The following RBM27 variants were observed in gnomAD, a reference collection of about 807,000 sequenced individuals.
The protein encoded by RBM27 is RNA-binding protein 27.
RBM27 carries 22 observed loss-of-function variants against 135.3 expected under a neutral mutation model. The ratio of observed to expected loss-of-function variants is 0.16; its 90% confidence interval spans 0.12 to 0.23. The LOEUF (loss-of-function observed/expected upper bound fraction) is 0.23. RBM27 is among the 10% of genes least tolerant of loss of function. RBM27 has a pLI of 1.00. For synonymous variants in RBM27, 481 were observed against 442.4 expected (o/e 1.09, Z -1.10); for missense variants, 1,009 against 1,281.0 (o/e 0.79, Z 3.24).
At position 146,251,800 on chromosome 5, in the gene RBM27, G is replaced by T. The variant is rs772126015; in HGVS notation, c.1369G>T (p.Val457Leu). The change falls in exon 9 of 21, where the codon GTG becomes TTG. Residue 457 changes from valine (V) to leucine (L), a missense_variant. Physicochemically the swap from Val to Leu is conservative, Grantham distance 32. This residue lies in a region of RBM27 where 329 missense variants were observed against 368.1 expected (regional missense o/e 0.89). Coordinates refer to ENST00000265271, the MANE Select transcript of RBM27 (RefSeq NM_018989.2). ...GCCTCCTCTGTTGGCAGCTCGTTTG[G>T]TGCCACCTCGAAACCTCATGGGATC... ...TPPPLLAARL[V>L]PPRNLMGSSI... 3.1e-6 allele frequency: 5 copies of T among 1,613,838 alleles called. No individual in the cohort carries two copies. The highest frequency in any genetic ancestry group is 4.2e-6 in the Non-Finnish European group (5 of 1,179,924).
At chr5:146,236,584 G>A (rs1757169660) in intron 7 of RBM27, among the ~76,000 whole-genome samples, 1 of 152,020 alleles carries the variant, frequency 6.6e-6, no homozygotes, top group Admixed American at 6.6e-5. Context: ...AACCAAATTA[G>A]GTATTTTAAA....
chr5:146,219,827 C>T (rs1756368038), intron 2 of RBM27, among the ~76,000 whole-genome samples: 1 of 152,162 alleles, frequency 6.6e-6, no homozygotes, highest in African/African-American at 2.4e-5. Flanking sequence ...CTCCATGCCT[C>T]CATCCACTCT....
intron 17 of RBM27, 27 bp downstream of exon 17, chr5:146,269,611 A>G (rs1437601389): frequency 3.4e-6 from 5 of 1,465,878 alleles, no homozygotes; most frequent in African/African-American, 2.9e-5. Context: ...TTTATTTAAC[A>G]TAGGGTTATT....
chr5:146,256,896 A>T (rs1007173348), intron 10 of RBM27, among the ~76,000 whole-genome samples: 2 of 152,158 alleles, frequency 1.3e-5, no homozygotes, highest in African/African-American at 4.8e-5. Context: ...ATTAAAAAAA[A>T]TTAATTAAAA....
At chr5:146,229,936 A>T in intron 5 of RBM27, 26 bp downstream of exon 5, 1 of 1,611,724 alleles carries the variant, frequency 6.2e-7, no homozygotes, top group Non-Finnish European at 8.5e-7. Context: ...TCCCCCTAAA[A>T]ACTCTGTAGT....
At chr5:146,258,310 C>A in intron 10 of RBM27, 139 bp from the exon 11 acceptor site, 1 of 584,110 alleles carries the variant, frequency 1.7e-6, no homozygotes, top group South Asian at 7.5e-5. Context: ...GCATTTGTAA[C>A]TTTTTCTTCT....
At chr5:146,228,648 T>G (rs191636852) in intron 3 of RBM27, among the ~76,000 whole-genome samples, 1 of 152,236 alleles carries the variant, frequency 6.6e-6, no homozygotes, top group Admixed American at 6.5e-5. Context: ...TCATCCAGCC[T>G]GTGGTGCAGT....
chr5:146,254,074 G>T (rs778628844), intron 9 of RBM27, among the ~76,000 whole-genome samples: 2 of 152,120 alleles, frequency 1.3e-5, no homozygotes, highest in Non-Finnish European at 2.9e-5. Flanking sequence ...AATTAAAAAG[G>T]TACCTAGAAA....
chr5:146,220,861 A>G (rs1756429766), intron 2 of RBM27, among the ~76,000 whole-genome samples: 1 of 152,188 alleles, frequency 6.6e-6, no homozygotes, highest in Non-Finnish European at 1.5e-5. Flanking sequence ...AGAAAGCAAA[A>G]CATATTTGGG....
chr5:146,256,329 A>G (rs1459295740), intron 10 of RBM27, among the ~76,000 whole-genome samples: 1 of 146,276 alleles, frequency 6.8e-6, no homozygotes, highest in Non-Finnish European at 1.5e-5. Flanking sequence ...TTTTATATAT[A>G]TTATTTTTAT....
chr5:146,208,664 G>C (rs1187001306), intron 1 of RBM27, among the ~76,000 whole-genome samples: 1 of 152,080 alleles, frequency 6.6e-6, no homozygotes, highest in African/African-American at 2.4e-5. Flanking sequence ...GTTTCTTTCT[G>C]TCAGAAATAA....
intron 8 of RBM27, among the ~76,000 whole-genome samples, chr5:146,243,352 T>TC (rs1441800664): frequency 6.6e-6 from 1 of 152,226 alleles, no homozygotes; most frequent in African/African-American, 2.4e-5. Context: ...TTCACATTGT[T>TC]CAAGTTTATT....
chr5:146,211,462 A>ATATTTTTTTTT (rs1334313720), intron 1 of RBM27, among the ~76,000 whole-genome samples: 1 of 52,038 alleles, frequency 1.9e-5, no homozygotes, highest in Admixed American at 2.6e-4. Context: ...GTATGGTCTT[A>ATATTTTTTTTT]TCTTTTTTTT....
chr5:146,228,960 A>G lies in RBM27; in HGVS notation c.318A>G (p.Pro106=). The G allele has an allele frequency of 1.9e-6, 3 of 1,613,426 alleles. No homozygotes were observed. Among genetic ancestry groups the G allele is most frequent in the Non-Finnish European group, 1.7e-6 (2 of 1,179,570 alleles). ...TTTTCATATAGGTATTTCAGGAGCC[A>G]GCAGAGGAAGAACGAGATGGCAGAA... is the stretch of plus-strand genomic sequence containing the variant. ...EEIKEEVFQE[P]AEEERDGRKK... Residue 106 remains proline (P), a synonymous_variant, in exon 4 of 21, where the codon CCA becomes CCG. Transcript: ENST00000265271.
At chr5:146,213,261 C>G (rs188969807) in intron 1 of RBM27, among the ~76,000 whole-genome samples, 2 of 152,228 alleles carry the variant, frequency 1.3e-5, no homozygotes, top group East Asian at 3.9e-4. Context: ...CACCACCATG[C>G]CCAGCTAATT....
chr5:146,213,105 G>T (rs7704837), intron 1 of RBM27, among the ~76,000 whole-genome samples: 5,365 of 149,910 alleles, frequency 0.036, 280 homozygotes, highest in African/African-American at 0.12. Context: ...GATTTTTTTT[G>T]TTGTTGTTGT....
chr5:146,216,629 T>C (rs1756205032), intron 1 of RBM27, among the ~76,000 whole-genome samples: 1 of 152,164 alleles, frequency 6.6e-6, no homozygotes, highest in Non-Finnish European at 1.5e-5. Context: ...AAATGTAACA[T>C]TTTTTACTTA....
chr5:146,242,910 ATCTT>A (rs1227243014), intron 8 of RBM27, among the ~76,000 whole-genome samples: 2 of 152,002 alleles, frequency 1.3e-5, no homozygotes, highest in Non-Finnish European at 2.9e-5. Context: ...AGTTTTTAAT[ATCTT>A]TCTATTACCT....
intron 19 of RBM27, among the ~76,000 whole-genome samples, chr5:146,278,655 T>C (rs150468041): frequency 0.011 from 1,667 of 152,306 alleles, 25 homozygotes; most frequent in African/African-American, 0.034. Context: ...GACTGCATGG[T>C]ATTTCATTGC....
Sources: gnomAD v4.1 joint callset for allele counts (sites outside exome capture counted in the v4.1 genomes callset) on GRCh38, gnomAD v4.1.1 for gene constraint, gnomAD v4.1.1 regional missense constraint, MANE v1.5 for transcripts, NCBI Gene and HGNC (gene_info 2026-07-23, HGNC 2026-07-21) for gene names.